NPY2R: variants seen among roughly 807,000 people sequenced by gnomAD.
The protein encoded by NPY2R is neuropeptide Y receptor Y2.
Under a neutral mutation model 22.3 loss-of-function variants are expected in NPY2R, and 17 were observed. The ratio of observed to expected loss-of-function variants is 0.76; its 90% CI spans 0.52 to 1.14. The LOEUF (loss-of-function observed/expected upper bound fraction) is 1.14. Among genes scored for constraint, NPY2R ranks in the 50% most tolerant of loss-of-function variants. The pLI, the probability that NPY2R is intolerant of heterozygous loss-of-function variation, is 0.00. For missense variants in NPY2R, 424 were observed against 467.9 expected, an observed-to-expected ratio of 0.91 and a Z score of 0.87; for synonymous variants, 209 against 183.4, an observed-to-expected ratio of 1.14 and a Z score of -1.13.
the NPY2R span, among the ~76,000 whole-genome samples, chr4:155,196,787 G>T: frequency 9.2e-5 from 14 of 151,802 alleles, no homozygotes; most frequent in Non-Finnish European, 1.3e-4. Context: ...CCAGAGGGGG[G>T]ATCTCATCAT....
the NPY2R span, among the ~76,000 whole-genome samples, chr4:155,197,731 C>A: frequency 1.3e-5 from 2 of 151,838 alleles, no homozygotes; most frequent in Non-Finnish European, 2.9e-5. Context: ...CATAAGTGAG[C>A]AAAATATAAT....
At chr4:155,191,775 T>C in the NPY2R span, among the ~76,000 whole-genome samples, 1 of 151,912 alleles carries the variant, frequency 6.6e-6, no homozygotes, top group Non-Finnish European at 1.5e-5. Context: ...ACTTATAACA[T>C]TGCAACTTAT....
the NPY2R span, among the ~76,000 whole-genome samples, chr4:155,188,076 G>A: frequency 1.6e-4 from 24 of 151,840 alleles, no homozygotes; most frequent in East Asian, 4.6e-3. Flanking sequence ...ACTTTTTTTT[G>A]AGGCCCTATT....
chr4:155,195,701 T>C, the NPY2R span, among the ~76,000 whole-genome samples: 1 of 151,928 alleles, frequency 6.6e-6, no homozygotes, highest in African/African-American at 2.4e-5. Context: ...CTGTTTCAGG[T>C]AAACTCAGTT....
At chr4:155,213,829 G>A (rs535591815) in intron 1 of NPY2R, 63 bp from the exon 2 acceptor site, 2 of 927,136 alleles carry the variant, frequency 2.2e-6, no homozygotes, top group Non-Finnish European at 1.8e-6. Flanking sequence ...TCACCTTTGT[G>A]TTTTCCTCGT....
chr4:155,197,017 T>C, the NPY2R span, among the ~76,000 whole-genome samples: 28 of 152,012 alleles, frequency 1.8e-4, no homozygotes, highest in African/African-American at 6.5e-4. Flanking sequence ...ATAATATATA[T>C]TATTTTCATT....
chr4:155,214,783 C>A lies in NPY2R; in HGVS notation c.844C>A (p.Leu282Met). Residue 282 changes from leucine (L) to methionine (M), a missense_variant, in exon 2 of 2, where the codon CTG (leucine) becomes ATG (methionine). Coordinates refer to ENST00000329476, the MANE Select transcript of NPY2R (RefSeq NM_000910.4). The part of the protein sequence containing the change: ...CVVVVFAVSW[L>M]PLHAFQLAVD... Reference sequence around the variant, plus strand: ...GGTGGTGGTGTTTGCGGTCAGCTGGCTGCCTCTCCATGCCTTCCAGCTTGC... The same window carrying A: ...GGTGGTGGTGTTTGCGGTCAGCTGGATGCCTCTCCATGCCTTCCAGCTTGC... 6.2e-7 allele frequency: 1 copy of A among 1,613,782 alleles called. No individual in the cohort carries two copies. Among genetic ancestry groups the A allele is most frequent in the East Asian group, 2.2e-5 (1 of 44,870 alleles).
At chr4:155,196,586 A>G in the NPY2R span, among the ~76,000 whole-genome samples, 6 of 151,686 alleles carry the variant, frequency 4.0e-5, no homozygotes, top group Non-Finnish European at 8.8e-5. Context: ...TTATGTCTGG[A>G]ATTGTTTTGA....
In NPY2R at chr4:155,214,749, G is replaced by T. The variant is rs1233326472; in HGVS notation, c.810G>T (p.Leu270=). The T allele has an allele frequency of 2.5e-6, 4 of 1,614,086 alleles. No individual in the cohort carries two copies. Among genetic ancestry groups the T allele is most frequent in the South Asian group, 2.2e-5 (2 of 91,086 alleles). The change falls in exon 2 of 2, where the codon CTG becomes CTT. Residue 270 remains leucine (L), a synonymous_variant. Transcript: ENST00000329476. ...HQRRQKTTKM[L]VCVVVVFAVS... ...GAAGGCAAAAAACCACCAAAATGCT[G>T]GTGTGTGTGGTGGTGGTGTTTGCGG...
chr4:155,215,175 A>T lies in NPY2R; in HGVS notation c.*90A>T. 8.2e-7 allele frequency: 1 copy of T among 1,217,424 alleles called. No individual in the cohort carries two copies. Among genetic ancestry groups the T allele is most frequent in the Non-Finnish European group, 1.2e-6 (1 of 832,332 alleles). 75.4% of individuals were successfully genotyped at this position (1,217,424 alleles called of 1,614,324 possible). On this transcript the variant is annotated 3_prime_UTR_variant, in exon 2 of 2. Coordinates refer to ENST00000329476, the MANE Select transcript of NPY2R (RefSeq NM_000910.4). ...GCTCACAAGTGAAAACTGATTTCCC[A>T]TTTTAAAGAAGAAGTGGATCTAAAT...
Position 155,215,180 on chromosome 4 carries a change from AAAG to A in NPY2R, c.*102_*104del, listed in dbSNP as rs775390876. The A allele has an allele frequency of 2.5e-5, 30 of 1,179,648 alleles. No homozygotes were observed. The highest frequency in any genetic ancestry group is 9.8e-5 in the East Asian group (4 of 40,668). The allele number at this position is 1,179,648 out of a possible 1,614,324, so 73.1% of individuals were successfully genotyped here. On this transcript the variant is annotated 3_prime_UTR_variant, in exon 2 of 2. Coordinates refer to ENST00000329476, the MANE Select transcript of NPY2R (RefSeq NM_000910.4). ...CAAGTGAAAACTGATTTCCCATTTTAAAGAAGAAGTGGATCTAAATGGAAGCAT... is the reference window on the plus strand; with the variant it reads ...CAAGTGAAAACTGATTTCCCATTTTAAAGAAGTGGATCTAAATGGAAGCAT...
chr4:155,204,385 G>A (rs1325050767), upstream of NPY2R, among the ~76,000 whole-genome samples: 5 of 152,142 alleles, frequency 3.3e-5, no homozygotes, highest in African/African-American at 1.2e-4. Context: ...CATGTTACCT[G>A]AAGTATTTGC....
At chr4:155,199,303 C>G in the NPY2R span, among the ~76,000 whole-genome samples, 1 of 151,826 alleles carries the variant, frequency 6.6e-6, no homozygotes. Flanking sequence ...AGGAATACAG[C>G]TAACAAGGGA....
At position 155,214,038 on chromosome 4, in the gene NPY2R, C is replaced by T. The variant is rs752221305; in HGVS notation, c.99C>T (p.Val33=). 6.2e-7 allele frequency: 1 copy of T among 1,613,846 alleles called. No homozygotes were observed. The highest frequency in any genetic ancestry group is 8.5e-7 in the Non-Finnish European group (1 of 1,179,806). The change falls in exon 2 of 2, where the codon GTC becomes GTT. Residue 33 remains valine (V), a synonymous_variant. Coordinates refer to ENST00000329476, the MANE Select transcript of NPY2R (RefSeq NM_000910.4). The part of the protein sequence containing the change: ...GPQTTPRGEL[V]PDPEPELIDS... ...AAACAACTCCTAGAGGTGAACTGGT[C>T]CCTGACCCTGAGCCAGAGCTTATAG...
the NPY2R span, among the ~76,000 whole-genome samples, chr4:155,186,628 A>C: frequency 9.2e-5 from 14 of 152,172 alleles, no homozygotes; most frequent in East Asian, 2.3e-3. Flanking sequence ...TCTCTTAATA[A>C]TTTTCATGTA....
chr4:155,198,354 T>C, the NPY2R span, among the ~76,000 whole-genome samples: 1 of 150,992 alleles, frequency 6.6e-6, no homozygotes, highest in South Asian at 2.1e-4. Flanking sequence ...TAAATAACCC[T>C]TTTTCAGTGG....
chr4:155,209,775 TG>T (rs113041063), intron 1 of NPY2R, among the ~76,000 whole-genome samples: 1,912 of 152,142 alleles, frequency 0.013, 36 homozygotes, highest in African/African-American at 0.041. Flanking sequence ...TATTTTTCCC[TG>T]GGAAAAATGT....
chr4:155,208,760 C>G lies in NPY2R; in HGVS notation c.-358C>G, dbSNP rs1026232171. The G allele has an allele frequency of 6.6e-6, 1 of 152,380 alleles. No individual in the cohort carries two copies. The highest frequency in any genetic ancestry group is 1.5e-5 in the Non-Finnish European group (1 of 68,224). 9.4% of individuals were successfully genotyped at this position (152,380 alleles called of 1,614,324 possible). Reference sequence around the variant, plus strand: ...CTTGTGTTTAAGGGTGGGGTTTGCCCCCCTCCCCACGCTCCCATCTCTGAT... The same window carrying G: ...CTTGTGTTTAAGGGTGGGGTTTGCCGCCCTCCCCACGCTCCCATCTCTGAT... On this transcript the variant is annotated 5_prime_UTR_variant, in exon 1 of 2. Coordinates refer to ENST00000329476, the MANE Select transcript of NPY2R (RefSeq NM_000910.4). The surrounding 1 kb of genome is among the most constrained non-coding windows in gnomAD (Gnocchi z 5.6).
intron 1 of NPY2R, among the ~76,000 whole-genome samples, 167 bp downstream of exon 1, chr4:155,209,236 TTTTCTACTTTCTC>T (rs950415818): frequency 6.4e-4 from 97 of 152,304 alleles, no homozygotes; most frequent in Middle Eastern, 3.4e-3. Flanking sequence ...ACCATCCCCA[TTTTCTACTTTCTC>T]TAGATTTTCC....
Sources: gnomAD v4.1 joint callset for allele counts (sites outside exome capture counted in the v4.1 genomes callset) on GRCh38, gnomAD v4.1.1 for gene constraint, Gnocchi (gnomAD v3.1) non-coding constraint, MANE v1.5 for transcripts, NCBI Gene and HGNC (gene_info 2026-07-23, HGNC 2026-07-21) for gene names.